The following STOX2 variants were observed in gnomAD, a reference collection of about 807,000 sequenced individuals.
The protein encoded by STOX2 is storkhead box 2.
STOX2 carries 28 observed loss-of-function variants against 60.9 expected under a neutral mutation model. The ratio of observed to expected loss-of-function variants is 0.46; its 90% CI spans 0.34 to 0.63. STOX2 has a LOEUF of 0.63. Ranked by LOEUF, STOX2 falls within the 30% of genes least tolerant of loss-of-function variation. The pLI, the probability that STOX2 is intolerant of heterozygous loss-of-function variation, is 0.01. For missense variants in STOX2, 1,024 were observed against 1,187.7 expected (o/e 0.86, Z 2.03); for synonymous variants, 472 against 463.9 (o/e 1.02, Z -0.22).
At chr4:183,997,274 C>T (rs1469406664) in intron 1 of STOX2, among the ~76,000 whole-genome samples, 1 of 152,202 alleles carries the variant, frequency 6.6e-6, no homozygotes, top group Non-Finnish European at 1.5e-5. Context: ...ACCCAAGGAG[C>T]ATCCCAGGCC....
At chr4:184,007,474 G>T (rs1733923523) in intron 2 of STOX2, among the ~76,000 whole-genome samples, 1 of 152,170 alleles carries the variant, frequency 6.6e-6, no homozygotes, top group Non-Finnish European at 1.5e-5. Context: ...TGTGTGCCAG[G>T]CACTGCTCCA....
chr4:183,875,256 A>T (rs556019793), intron 1 of STOX2, among the ~76,000 whole-genome samples: 1 of 152,202 alleles, frequency 6.6e-6, no homozygotes, highest in Admixed American at 6.5e-5. Flanking sequence ...TTCTCTTAAA[A>T]TAAGGAAAGT....
chr4:183,852,616 C>A (rs1313383770), intron 1 of STOX2, among the ~76,000 whole-genome samples: 1 of 152,064 alleles, frequency 6.6e-6, no homozygotes, highest in African/African-American at 2.4e-5. Context: ...AAGGTTAATT[C>A]TAGGTTGAAC....
intron 1 of STOX2, among the ~76,000 whole-genome samples, chr4:183,990,213 A>T (rs547778393): frequency 3.9e-5 from 6 of 152,228 alleles, no homozygotes; most frequent in African/African-American, 1.4e-4. Flanking sequence ...CACACCCATC[A>T]ATTCTACCCA....
intron 1 of STOX2, among the ~76,000 whole-genome samples, chr4:183,999,229 A>C (rs13149751): frequency 0.22 from 34,146 of 152,084 alleles, 4,578 homozygotes; most frequent in Non-Finnish European, 0.29. Context: ...GTCATTTTTG[A>C]GTTACCAATA....
intron 1 of STOX2, among the ~76,000 whole-genome samples, chr4:183,899,484 G>A (rs1741417678): frequency 6.6e-6 from 1 of 152,206 alleles, no homozygotes; most frequent in Non-Finnish European, 1.5e-5. Context: ...CGAATGATAA[G>A]AAAGCAAAAC....
chr4:183,801,577 A>AGG (rs762193477), intron 1 of STOX2, among the ~76,000 whole-genome samples: 18 of 151,990 alleles, frequency 1.2e-4, no homozygotes, highest in Non-Finnish European at 2.4e-4. Context: ...CTGGTAGGGG[A>AGG]GGTTTCCCAG....
chr4:183,863,744 A>G (rs1447696201), intron 1 of STOX2, among the ~76,000 whole-genome samples: 1 of 152,250 alleles, frequency 6.6e-6, no homozygotes, highest in African/African-American at 2.4e-5. Context: ...TTACATAGAA[A>G]AGAGTCCATT....
At chr4:183,919,117 T>C (rs1337266674) in intron 1 of STOX2, among the ~76,000 whole-genome samples, 1 of 152,246 alleles carries the variant, frequency 6.6e-6, no homozygotes, top group Non-Finnish European at 1.5e-5. Flanking sequence ...TCCACAAGTA[T>C]TGGCTTTCTT....
intron 1 of STOX2, among the ~76,000 whole-genome samples, chr4:183,809,649 A>G (rs1306383250): frequency 6.6e-6 from 1 of 151,914 alleles, no homozygotes; most frequent in Non-Finnish European, 1.5e-5. Context: ...TGCCCACCTC[A>G]GCCTCCCAAA....
chr4:183,931,140 CTGGT>C (rs1315036746), intron 1 of STOX2, among the ~76,000 whole-genome samples: 2 of 152,066 alleles, frequency 1.3e-5, no homozygotes, highest in African/African-American at 4.8e-5. Flanking sequence ...TATGGAGCTA[CTGGT>C]TGGGCACGGT....
chr4:183,805,357 A>G (rs1209611273), intron 1 of STOX2, among the ~76,000 whole-genome samples: 1 of 152,222 alleles, frequency 6.6e-6, no homozygotes, highest in African/African-American at 2.4e-5. Flanking sequence ...TTTGGGGGAA[A>G]CTAACGATAT....
chr4:183,828,879 A>G (rs536017684), intron 1 of STOX2, among the ~76,000 whole-genome samples: 21 of 152,298 alleles, frequency 1.4e-4, no homozygotes, highest in Admixed American at 2.0e-4. Context: ...AAAACTAGAC[A>G]GAGAATCATG....
Position 184,011,174 on chromosome 4 carries a change from A to G in STOX2, c.2336A>G (p.Asp779Gly), listed in dbSNP as rs747876741. 5 of 1,588,556 alleles carry G rather than the reference A, an allele frequency of 3.1e-6. No homozygotes were observed. In the East Asian group the frequency reaches 9.0e-5, roughly 29 times the overall value. ...TTTGACTATTACAACGTCTCTGATG[A>G]TGACGACTCTGAGGAAGGGGCAAAC... ...ASFDYYNVSD[D>G]DDSEEGANKN... is the part of the protein sequence containing the mutation. Residue 779 changes from aspartate (D) to glycine (G), a missense_variant, in exon 3 of 4, where the codon GAT becomes GGT. By Grantham distance (94) the Asp-to-Gly change is moderately conservative (BLOSUM62 -1). Around this residue, in one of 3 missense-constraint regions of STOX2, gnomAD observed 922 missense variants for 1,058.3 expected, o/e 0.87. Transcript: ENST00000308497. This position sits in a 1 kb window ranked among gnomAD's most constrained non-coding sequence, Gnocchi z 4.4.
chr4:183,984,478 C>A (rs1037611962), intron 1 of STOX2, among the ~76,000 whole-genome samples: 1 of 152,122 alleles, frequency 6.6e-6, no homozygotes, highest in African/African-American at 2.4e-5. Flanking sequence ...AGAGTGTGCA[C>A]CAAGGTTTGT....
At chr4:183,861,791 A>G (rs1740453802) in intron 1 of STOX2, among the ~76,000 whole-genome samples, 1 of 152,204 alleles carries the variant, frequency 6.6e-6, no homozygotes, top group African/African-American at 2.4e-5. Flanking sequence ...ATTTATGATT[A>G]TCTAAACGCT....
chr4:184,006,799 G>A (rs1371367956), intron 2 of STOX2, among the ~76,000 whole-genome samples: 67 of 150,626 alleles, frequency 4.4e-4, no homozygotes, highest in Admixed American at 3.1e-3. Flanking sequence ...GGCGGATCAC[G>A]AGGTCAGCAG....
chr4:183,799,743 T>G (rs899710161), intron 1 of STOX2, among the ~76,000 whole-genome samples: 10 of 152,194 alleles, frequency 6.6e-5, no homozygotes, highest in African/African-American at 2.4e-4. Context: ...ATTTTTTTTA[T>G]TTCAGCAGAA....
In STOX2 at chr4:183,905,982, C is replaced by G. The variant is rs1663372556; in HGVS notation, c.-809C>G. ...TCCACCCGCGCGCACGCACAGCGCC[C>G]GGAGCCTCGGCAAGGGGAAGATTGA... On this transcript the variant is annotated 5_prime_UTR_variant, in exon 1 of 4. Transcript: ENST00000308497. 1 of 152,258 alleles carries G rather than the reference C, an allele frequency of 6.6e-6. No individual in the cohort carries two copies. The highest frequency in any genetic ancestry group is 2.1e-4 in the South Asian group (1 of 4,830). The allele number at this position is 152,258 out of a possible 1,614,324, so 9.4% of individuals were successfully genotyped here.
Sources: allele counts gnomAD v4.1 joint callset (sites outside exome capture counted in the v4.1 genomes callset), GRCh38; gene constraint gnomAD v4.1.1; regional missense constraint gnomAD v4.1.1; non-coding constraint Gnocchi (gnomAD v3.1); transcripts MANE v1.5; gene names NCBI Gene and HGNC (gene_info 2026-07-23, HGNC 2026-07-21).